Variants in METTL16 observed in about 807,000 individuals in gnomAD.
The protein encoded by METTL16 is RNA N(6)-adenosine-methyltransferase METTL16.
Under a neutral mutation model 57.9 loss-of-function variants are expected in METTL16, and 19 were observed. The observed-to-expected ratio is 0.33, with a 90% CI of 0.23 to 0.48. METTL16 has a LOEUF of 0.48. METTL16 is among the 20% of genes least tolerant of loss of function. METTL16 has a pLI of 0.99. For missense variants in METTL16, 434 were observed against 691.5 expected (o/e 0.63, Z 4.18); for synonymous variants, 246 against 255.6 (o/e 0.96, Z 0.36).
intron 2 of METTL16, among the ~76,000 whole-genome samples, chr17:2,493,332 G>A (rs542150495): frequency 7.5e-4 from 114 of 151,040 alleles, no homozygotes; most frequent in African/African-American, 2.2e-3. Context: ...CTCATGATCC[G>A]CCCGCCTTGG....
chr17:2,424,279 A>C (rs1436342525), intron 8 of METTL16: 1 of 149,398 alleles, frequency 6.7e-6, no homozygotes, highest in Non-Finnish European at 1.5e-5. Context: ...ACGCCCGGCT[A>C]ATTTTTTGTA....
intron 4 of METTL16, among the ~76,000 whole-genome samples, chr17:2,471,598 G>C (rs892365163): frequency 6.6e-6 from 1 of 152,008 alleles, no homozygotes; most frequent in African/African-American, 2.4e-5. Context: ...GACCATCCTG[G>C]CTAACATAGT....
intron 2 of METTL16, among the ~76,000 whole-genome samples, chr17:2,495,783 A>G (rs1433875295): frequency 6.7e-6 from 1 of 150,196 alleles, no homozygotes; most frequent in Non-Finnish European, 1.5e-5. Flanking sequence ...GTAACTGCAG[A>G]TGTGCTGAAA....
chr17:2,481,670 A>G (rs2067307911), intron 2 of METTL16, among the ~76,000 whole-genome samples: 2 of 152,242 alleles, frequency 1.3e-5, no homozygotes, highest in Non-Finnish European at 2.9e-5. Context: ...AAGAGAGGTT[A>G]ATAATGAAGA....
intron 6 of METTL16, among the ~76,000 whole-genome samples, chr17:2,453,851 T>C (rs184202166): frequency 6.6e-5 from 10 of 152,274 alleles, no homozygotes; most frequent in Non-Finnish European, 1.3e-4. Flanking sequence ...CAATCTGGTA[T>C]TTCAACCTCA....
rs2066735998 is a variant in METTL16, at chr17:2,418,372, C to T, written c.*1598G>A. 6.6e-6 allele frequency: 1 copy of T among 152,238 alleles called. No individual in the cohort carries two copies. Among genetic ancestry groups the T allele is most frequent in the African/African-American group, 2.4e-5 (1 of 41,410 alleles). 9.4% of individuals were successfully genotyped at this position (152,238 alleles called of 1,614,324 possible). A position where few individuals can be genotyped will look rare whatever the true frequency, so the allele number is the denominator to read the frequency against. ...TTGGGAGGCCAAGGTGGGCGGATCACCCGAGATCATGAGTTCGAGATTAGC... is the reference window on the plus strand; with the variant it reads ...TTGGGAGGCCAAGGTGGGCGGATCATCCGAGATCATGAGTTCGAGATTAGC... On this transcript the variant is annotated 3_prime_UTR_variant, in exon 10 of 10. Coordinates refer to ENST00000263092, the MANE Select transcript of METTL16 (RefSeq NM_024086.4).
intron 6 of METTL16, among the ~76,000 whole-genome samples, chr17:2,464,005 C>T (rs958308132): frequency 1.3e-5 from 2 of 151,898 alleles, no homozygotes; most frequent in Non-Finnish European, 2.9e-5. Context: ...TGCCTGTAAT[C>T]CCAGCTACTT....
At chr17:2,507,176 A>G (rs2067546869) in intron 1 of METTL16, among the ~76,000 whole-genome samples, 1 of 145,136 alleles carries the variant, frequency 6.9e-6, no homozygotes, top group African/African-American at 2.6e-5. Flanking sequence ...CTGCCCGGCC[A>G]GCCGCCCCGT....
intron 2 of METTL16, among the ~76,000 whole-genome samples, chr17:2,492,805 GAGA>G (rs2067408936): frequency 6.8e-6 from 1 of 146,750 alleles, no homozygotes; most frequent in South Asian, 2.2e-4. Flanking sequence ...GCTGAGGCAG[GAGA>G]ATTGCTTGAA....
intron 1 of METTL16, among the ~76,000 whole-genome samples, chr17:2,506,317 G>A (rs1037146497): frequency 1.5e-5 from 2 of 131,206 alleles, no homozygotes; most frequent in Non-Finnish European, 1.6e-5. Flanking sequence ...CTCTTGCCAC[G>A]GTCTCCCTCT....
intron 2 of METTL16, among the ~76,000 whole-genome samples, chr17:2,487,521 T>C (rs1242839753): frequency 6.6e-6 from 1 of 152,124 alleles, no homozygotes; most frequent in Admixed American, 6.6e-5. Context: ...AAACCAGTTT[T>C]CCAGTGTGGT....
intron 6 of METTL16, among the ~76,000 whole-genome samples, chr17:2,447,746 AG>A (rs1401084269): frequency 1.6e-5 from 2 of 123,516 alleles, no homozygotes; most frequent in African/African-American, 6.4e-5. Flanking sequence ...CCAGTCCGGG[AG>A]GGAGGTGGGG....
intron 8 of METTL16, among the ~76,000 whole-genome samples, chr17:2,427,421 C>T (rs974885490): frequency 2.6e-5 from 4 of 152,032 alleles, no homozygotes; most frequent in Non-Finnish European, 4.4e-5. Flanking sequence ...AGAGTGGAAA[C>T]GTTCCAAATG....
intron 6 of METTL16, among the ~76,000 whole-genome samples, chr17:2,460,921 C>CACATG: frequency 6.6e-6 from 1 of 150,566 alleles, no homozygotes; most frequent in Non-Finnish European, 1.5e-5. Flanking sequence ...ATGAAATGGT[C>CACATG]ACATGACTTG....
intron 8 of METTL16, among the ~76,000 whole-genome samples, chr17:2,432,793 A>G (rs920443448): frequency 6.6e-6 from 1 of 152,178 alleles, no homozygotes; most frequent in African/African-American, 2.4e-5. Flanking sequence ...ATGACAACAC[A>G]ATATATTTTA....
At chr17:2,491,767 C>T (rs1414881009) in intron 2 of METTL16, among the ~76,000 whole-genome samples, 1 of 148,542 alleles carries the variant, frequency 6.7e-6, no homozygotes, top group Non-Finnish European at 1.5e-5. Context: ...TCCAGCTACT[C>T]CGGAGGCTGA....
At chr17:2,495,264 G>C (rs1282001814) in intron 2 of METTL16, among the ~76,000 whole-genome samples, 1 of 151,990 alleles carries the variant, frequency 6.6e-6, no homozygotes, top group African/African-American at 2.4e-5. Flanking sequence ...CGGGGAGGTT[G>C]AGGCTACTGT....
intron 1 of METTL16, among the ~76,000 whole-genome samples, chr17:2,503,850 C>A (rs1187320732): frequency 6.6e-6 from 1 of 151,762 alleles, no homozygotes; most frequent in African/African-American, 2.4e-5. Flanking sequence ...TATGGATCAA[C>A]AAAATACGGT....
At chr17:2,510,188 G>A (rs2067577710) in intron 1 of METTL16, among the ~76,000 whole-genome samples, 1 of 152,154 alleles carries the variant, frequency 6.6e-6, no homozygotes, top group Admixed American at 6.5e-5. Context: ...AATTTATGGG[G>A]GACATGTGAC....
Sources: allele counts gnomAD v4.1 joint callset (sites outside exome capture counted in the v4.1 genomes callset), GRCh38; gene constraint gnomAD v4.1.1; transcripts MANE v1.5; gene names NCBI Gene and HGNC (gene_info 2026-07-23, HGNC 2026-07-21).